Variants in ANO2 observed in about 807,000 individuals in gnomAD.
ANO2 encodes the protein anoctamin 2, also known as anoctamin-2.
A neutral mutation model predicts 124.2 loss-of-function variants in ANO2; 101 were observed. The ratio of observed to expected loss-of-function variants is 0.81; its 90% CI spans 0.69 to 0.96. ANO2 has a LOEUF of 0.96. Ranked by LOEUF, ANO2 falls within the 40% of genes least tolerant of loss-of-function variation. The probability of loss-of-function intolerance (pLI) is 0.00; values close to 1 mark genes in which losing one functional copy is unlikely to be tolerated. For synonymous variants in ANO2, 486 were observed against 482.5 expected, an observed-to-expected ratio of 1.01 and a Z score of -0.09; for missense variants, 1,293 against 1,274.5, an observed-to-expected ratio of 1.01 and a Z score of -0.22.
In ANO2 at chr12:5,895,501, G is replaced by A. The variant is rs552314043; in HGVS notation, c.534+25539C>T. On this transcript the variant is annotated intron_variant, in intron 3 of 24. Transcript: ENST00000682330. Reference sequence around the variant, plus strand: ...AATGAAGAGACATTTCTTAAGAGAAGATAAACAAATAGCCAACAAACATAT... The same window carrying A: ...AATGAAGAGACATTTCTTAAGAGAAAATAAACAAATAGCCAACAAACATAT... Among the ~76,000 whole-genome samples the A allele has an allele frequency of 2.6e-5, 4 of 152,128 alleles. No individual in the cohort carries two copies. In the South Asian group the frequency reaches 8.3e-4, roughly 32 times the overall value.
chr12:5,832,666 AC>A (rs1954193950), intron 4 of ANO2, 63 bp from the exon 5 acceptor site: 1 of 1,513,698 alleles, frequency 6.6e-7, no homozygotes, highest in South Asian at 1.2e-5. Context: ...GAATGGCTTC[AC>A]AAAAAAAAGC....
chr12:5,758,845 A>C (rs1951656389), intron 10 of ANO2, among the ~76,000 whole-genome samples: 1 of 152,258 alleles, frequency 6.6e-6, no homozygotes, highest in Admixed American at 6.5e-5. Flanking sequence ...CAAATAAAAT[A>C]AAATAAAATC....
intron 7 of ANO2, among the ~76,000 whole-genome samples, chr12:5,807,731 C>G (rs1359887441): frequency 6.6e-6 from 1 of 152,158 alleles, no homozygotes; most frequent in Admixed American, 6.5e-5. Context: ...TAATCATGAT[C>G]TATAAAAGTG....
At chr12:5,871,658 T>C (rs1247912659) in intron 3 of ANO2, among the ~76,000 whole-genome samples, 1 of 152,188 alleles carries the variant, frequency 6.6e-6, no homozygotes, top group Non-Finnish European at 1.5e-5. Flanking sequence ...GGTAGAAGTT[T>C]CATCTCAAAA....
chr12:5,807,180 T>C (rs71579290), intron 8 of ANO2, 133 bp downstream of exon 8: 10,342 of 711,444 alleles, frequency 0.015, 125 homozygotes, highest in South Asian at 0.034. Flanking sequence ...CCAGGGTCAG[T>C]CAAGGTATTT....
chr12:5,895,796 G>GAA (rs939256112), intron 3 of ANO2, among the ~76,000 whole-genome samples: 7 of 141,876 alleles, frequency 4.9e-5, no homozygotes, highest in African/African-American at 1.8e-4. Flanking sequence ...CTACCCAAAG[G>GAA]AAAAAAAAAA....
intron 15 of ANO2, among the ~76,000 whole-genome samples, chr12:5,643,926 C>A (rs1463710141): frequency 6.6e-6 from 1 of 152,002 alleles, no homozygotes; most frequent in Non-Finnish European, 1.5e-5. Flanking sequence ...AAGAAAAATT[C>A]TTTGAGAGTT....
Position 5,658,182 on chromosome 12 carries a change from G to A in ANO2, c.1546-10381C>T, listed in dbSNP as rs964419138. On this transcript the variant is annotated intron_variant, in intron 14 of 24. Coordinates refer to ENST00000682330, the MANE Select transcript of ANO2 (RefSeq NM_001364791.2). This position sits in a 1 kb window ranked among gnomAD's most constrained non-coding sequence, Gnocchi z 4.3. The stretch of plus-strand genomic sequence containing the variant: ...CCTGGGTTCAATTCCCAGCTTGCAC[G>A]CTAATTGAACGTGTGACTTCAGGCA... 2.0e-5 allele frequency among the ~76,000 whole-genome samples: 3 copies of A among 152,128 alleles called. No homozygotes were observed. Among genetic ancestry groups the A allele is most frequent in the Non-Finnish European group, 2.9e-5 (2 of 68,032 alleles).
At chr12:5,740,240 G>C (rs1348792012) in intron 12 of ANO2, 1 of 303,940 alleles carries the variant, frequency 3.3e-6, no homozygotes, top group Middle Eastern at 9.2e-4. Context: ...GACACAAAGA[G>C]GAGCAGGGAT....
intron 13 of ANO2, among the ~76,000 whole-genome samples, chr12:5,736,589 GT>G (rs1950874410): frequency 6.6e-6 from 1 of 152,092 alleles, no homozygotes; most frequent in Non-Finnish European, 1.5e-5. Context: ...CTCACTCCTC[GT>G]TTTGAATGTG....
At chr12:5,674,519 A>G (rs898382200) in intron 14 of ANO2, among the ~76,000 whole-genome samples, 1 of 152,218 alleles carries the variant, frequency 6.6e-6, no homozygotes, top group African/African-American at 2.4e-5. Context: ...TCACATACAG[A>G]AAGTGGCTGG....
intron 10 of ANO2, among the ~76,000 whole-genome samples, chr12:5,779,958 A>T (rs1183532318): frequency 2.0e-5 from 3 of 152,260 alleles, no homozygotes; most frequent in Non-Finnish European, 1.5e-5. Flanking sequence ...AAAAAAAAGT[A>T]AATGCTAAAA....
At chr12:5,768,051 ACT>A (rs773796628) in intron 10 of ANO2, among the ~76,000 whole-genome samples, 2 of 151,974 alleles carry the variant, frequency 1.3e-5, no homozygotes, top group Admixed American at 1.3e-4. Context: ...TTCCTGACCT[ACT>A]ATCTGGGCAG....
chr12:5,752,540 A>AT (rs1179563390), intron 10 of ANO2, among the ~76,000 whole-genome samples: 1 of 151,878 alleles, frequency 6.6e-6, no homozygotes, highest in Non-Finnish European at 1.5e-5. Flanking sequence ...CCTTTACTTA[A>AT]TTTTTTTATC....
intron 19 of ANO2, among the ~76,000 whole-genome samples, chr12:5,611,360 C>T (rs774133413): frequency 1.3e-5 from 2 of 151,996 alleles, no homozygotes; most frequent in Admixed American, 6.6e-5. Context: ...ATAGAATATG[C>T]GGTTATATGC....
chr12:5,757,278 T>C (rs1951609627), intron 10 of ANO2, among the ~76,000 whole-genome samples: 1 of 152,262 alleles, frequency 6.6e-6, no homozygotes, highest in Non-Finnish European at 1.5e-5. Flanking sequence ...AAAATTTTTC[T>C]ACTTTGTTAA....
chr12:5,797,622 G>A (rs1426514433), intron 10 of ANO2, among the ~76,000 whole-genome samples: 1 of 152,110 alleles, frequency 6.6e-6, no homozygotes, highest in Admixed American at 6.5e-5. Context: ...AGTTTCTTGA[G>A]GTCAGAGAGT....
intron 4 of ANO2, among the ~76,000 whole-genome samples, chr12:5,851,546 A>C (rs139059542): frequency 1.3e-5 from 2 of 152,052 alleles, no homozygotes; most frequent in Non-Finnish European, 2.9e-5. Flanking sequence ...TTAGCTGGGC[A>C]TGGTGATGAG....
chr12:5,697,599 C>G (rs973254933), intron 14 of ANO2, among the ~76,000 whole-genome samples: 1 of 152,174 alleles, frequency 6.6e-6, no homozygotes, highest in Non-Finnish European at 1.5e-5. Flanking sequence ...GCTTGTCAGA[C>G]AGTGGGTGCA....
Sources: gnomAD v4.1 joint callset for allele counts (sites outside exome capture counted in the v4.1 genomes callset) on GRCh38, gnomAD v4.1.1 for gene constraint, Gnocchi (gnomAD v3.1) non-coding constraint, MANE v1.5 for transcripts, NCBI Gene and HGNC (gene_info 2026-07-23, HGNC 2026-07-21) for gene names.